The following E4F1 variants were observed in gnomAD, a reference collection of about 807,000 sequenced individuals.
The protein encoded by E4F1 is transcription factor E4F1.
Under a neutral mutation model 72.9 loss-of-function variants are expected in E4F1, and 30 were observed. The ratio of observed to expected loss-of-function variants is 0.41; its 90% CI spans 0.31 to 0.56. The LOEUF is 0.56. Ranked by LOEUF, E4F1 falls within the 20% of genes least tolerant of loss-of-function variation. The pLI is 0.25. For synonymous variants in E4F1, 542 were observed against 478.2 expected, an observed-to-expected ratio of 1.13 and a Z score of -1.74; for missense variants, 1,091 against 1,117.5, an observed-to-expected ratio of 0.98 and a Z score of 0.34.
chr16:2,226,046 T>C (rs2093430577), intron 1 of E4F1, among the ~76,000 whole-genome samples: 2 of 151,088 alleles, frequency 1.3e-5, no homozygotes, highest in African/African-American at 4.9e-5. Context: ...TGAGCTGAGA[T>C]CGCCCCACTG....
In E4F1 at chr16:2,234,578, C is replaced by G; in HGVS notation, c.1594-5C>G. ...CCAGGCTGGCACTGACAGGTGTCTC[C>G]ACAGAACGCACAGCAGGTGCACTTC... On this transcript the variant is annotated splice_polypyrimidine_tract_variant and splice_region_variant and intron_variant, in intron 10 of 13. Transcript: ENST00000301727. 1.9e-6 allele frequency: 3 copies of G among 1,581,326 alleles called. No homozygotes were observed. Among genetic ancestry groups the G allele is most frequent in the Non-Finnish European group, 2.6e-6 (3 of 1,163,746 alleles).
rs2093500642 is a variant in E4F1, at chr16:2,235,296, C to T, written c.2079C>T (p.Val693=). Reference sequence around the variant, plus strand: ...GCCACCAGATCATCGTGCAGAACGTCACCATGGACGAGGAGACGGCGCTGG... The same window carrying T: ...GCCACCAGATCATCGTGCAGAACGTTACCATGGACGAGGAGACGGCGCTGG... The part of the protein sequence containing the change: ...SAGHQIIVQN[V]TMDEETALGP... The change falls in exon 14 of 14, where the codon GTC becomes GTT. Residue 693 remains valine, a synonymous_variant. Coordinates refer to ENST00000301727, the MANE Select transcript of E4F1 (RefSeq NM_004424.5). 6.2e-7 allele frequency: 1 copy of T among 1,611,366 alleles called. No homozygotes were observed. Among genetic ancestry groups the T allele is most frequent in the African/African-American group, 1.3e-5 (1 of 75,068 alleles).
In E4F1 at chr16:2,233,234, G is replaced by A. The variant is rs758005235; in HGVS notation, c.1056+51G>A. 1.9e-6 allele frequency: 3 copies of A among 1,547,568 alleles called. No individual in the cohort carries two copies. In the East Asian group the frequency reaches 6.8e-5, roughly 35 times the overall value. On this transcript the variant is annotated intron_variant, in intron 7 of 13. Transcript: ENST00000301727. ...GGCTGCTCTGTCTTCTGCCTGCTCGGTGCCAGTCTTTGTTCTGGGCACTGG... is the reference window on the plus strand; with the variant it reads ...GGCTGCTCTGTCTTCTGCCTGCTCGATGCCAGTCTTTGTTCTGGGCACTGG...
intron 1 of E4F1, among the ~76,000 whole-genome samples, chr16:2,225,918 C>T (rs868089534): frequency 6.6e-6 from 1 of 151,626 alleles, no homozygotes; most frequent in East Asian, 1.9e-4. Context: ...ACAGGTGAAA[C>T]CCTGTCTTAC....
At chr16:2,229,521 A>C in intron 2 of E4F1, 49 bp from the exon 3 acceptor site, 1 of 1,574,420 alleles carries the variant, frequency 6.4e-7, no homozygotes, top group Non-Finnish European at 8.6e-7. Context: ...TCTGAGAACT[A>C]ACTCTGGAGC....
chr16:2,234,306 C>T lies in E4F1; in HGVS notation c.1511C>T (p.Ala504Val), dbSNP rs1394109601. The change falls in exon 10 of 14, where the codon GCC becomes GTC. Residue 504 changes from alanine to valine, a missense_variant. Transcript: ENST00000301727. Reference protein sequence around the residue: ...GDCGKLYKTIAHVRGHRRVHS... With the variant: ...GDCGKLYKTIVHVRGHRRVHS... ...TGCGGGAAGCTCTACAAGACCATTG[C>T]CCATGTGCGTGGCCACCGGCGCGTC... 6.2e-7 allele frequency: 1 copy of T among 1,613,014 alleles called. No homozygotes were observed. Among genetic ancestry groups the T allele is most frequent in the Non-Finnish European group, 8.5e-7 (1 of 1,179,990 alleles).
At chr16:2,228,619 G>A in intron 2 of E4F1, 96 bp downstream of exon 2, 4 of 1,446,902 alleles carry the variant, frequency 2.8e-6, no homozygotes, top group Non-Finnish European at 3.7e-6. Flanking sequence ...GCCGGTTCCG[G>A]GGGCCACGTG....
Position 2,229,620 on chromosome 16 carries a change from C to T in E4F1, c.360C>T (p.Ile120=), listed in dbSNP as rs752641682. 15 of 1,612,756 alleles carry T rather than the reference C, an allele frequency of 9.3e-6. No individual in the cohort carries two copies. Among genetic ancestry groups the T allele is most frequent in the Admixed American group, 3.3e-5 (2 of 60,012 alleles). ...GPEEPITVAH[I]VVEAASLAAD... ...AGGAGCCCATCACTGTGGCCCACAT[C>T]GTGGTGGAGGCGGCCTCTCTGGCAG... Residue 120 remains isoleucine, a synonymous_variant, in exon 3 of 14, where the codon ATC becomes ATT. Coordinates refer to ENST00000301727, the MANE Select transcript of E4F1 (RefSeq NM_004424.5).
In E4F1 at chr16:2,232,918, G is replaced by A; in HGVS notation, c.883+10G>A. On this transcript the variant is annotated intron_variant, in intron 6 of 13. Transcript: ENST00000301727. ...GAGGACGCACGTGCAGGTCAGCATG[G>A]TGCGGGCAGCTGCCTGGTCCTGGGG... 6.2e-7 allele frequency: 1 copy of A among 1,613,192 alleles called. No homozygotes were observed. Among genetic ancestry groups the A allele is most frequent in the Non-Finnish European group, 8.5e-7 (1 of 1,179,956 alleles).
At chr16:2,225,321 C>T (rs1230160137) in intron 1 of E4F1, among the ~76,000 whole-genome samples, 2 of 151,814 alleles carry the variant, frequency 1.3e-5, no homozygotes, top group East Asian at 3.9e-4. Flanking sequence ...TGGGTCTGTA[C>T]CCTCTGAGCT....
intron 1 of E4F1, among the ~76,000 whole-genome samples, chr16:2,228,140 TG>T (rs1433660358): frequency 6.6e-6 from 1 of 152,200 alleles, no homozygotes; most frequent in Non-Finnish European, 1.5e-5. Flanking sequence ...CTCTGCTGGG[TG>T]CTGACCTCCT....
Position 2,232,915 on chromosome 16 carries a change from A to G in E4F1, c.883+7A>G, listed in dbSNP as rs756210915. On this transcript the variant is annotated splice_region_variant and intron_variant, in intron 6 of 13. Transcript: ENST00000301727. The stretch of plus-strand genomic sequence containing the variant: ...AAAGAGGACGCACGTGCAGGTCAGC[A>G]TGGTGCGGGCAGCTGCCTGGTCCTG... The G allele has an allele frequency of 4.3e-6, 7 of 1,613,086 alleles. No individual in the cohort carries two copies. In the South Asian group the frequency reaches 4.4e-5, roughly 10 times the overall value.
At chr16:2,229,969 A>C in intron 3 of E4F1, 1 of 369,468 alleles carries the variant, frequency 2.7e-6, no homozygotes, top group South Asian at 2.8e-5. Flanking sequence ...TCCCTCCCAG[A>C]ATCTTCCCCA....
chr16:2,228,516 G>C lies in E4F1; in HGVS notation c.302G>C (p.Gly101Ala). The change falls in exon 2 of 14, where the codon GGC (glycine) becomes GCC (alanine). Residue 101 changes from glycine (G) to alanine (A), a missense_variant. This residue lies in a region of E4F1 where 362 missense variants were observed against 358.6 expected (regional missense o/e 1.01). Coordinates refer to ENST00000301727, the MANE Select transcript of E4F1 (RefSeq NM_004424.5). ...PATPATTALL[G>A]QEVVPAAPGP... ...ACCCCTGCCACCACAGCGTTGCTGG[G>C]CCAGGAGGTGAGCCCTCACCCACTC... 1 of 1,612,364 alleles carries C rather than the reference G, an allele frequency of 6.2e-7. No homozygotes were observed. Among genetic ancestry groups the C allele is most frequent in the African/African-American group, 1.3e-5 (1 of 75,060 alleles).
chr16:2,225,424 AAGGAGTTCC>A (rs1447311717), intron 1 of E4F1, among the ~76,000 whole-genome samples: 1 of 150,552 alleles, frequency 6.6e-6, no homozygotes, highest in East Asian at 2.0e-4. Context: ...ACTTGAGCCC[AAGGAGTTCC>A]AGACCAGCCT....
intron 1 of E4F1, among the ~76,000 whole-genome samples, chr16:2,228,080 A>T (rs1188045217): frequency 6.6e-6 from 1 of 152,152 alleles, no homozygotes; most frequent in Non-Finnish European, 1.5e-5. Flanking sequence ...GGTTTTGAGC[A>T]TGGCAGCCTT....
intron 1 of E4F1, among the ~76,000 whole-genome samples, chr16:2,226,857 C>G (rs1222325707): frequency 6.6e-6 from 1 of 152,240 alleles, no homozygotes; most frequent in Non-Finnish European, 1.5e-5. Context: ...CGGGCTCAAC[C>G]TTGGGAACCA....
In E4F1 at chr16:2,223,611, G is replaced by T; in HGVS notation, c.-3G>T. On this transcript the variant is annotated 5_prime_UTR_variant, in exon 1 of 14. Transcript: ENST00000301727. ...CCGCCATCTTCCTGCGGCGCGTTGC[G>T]ACATGGAGGGCGCGATGGCAGTGCG... The T allele has an allele frequency of 6.3e-7, 1 of 1,587,254 alleles. No individual in the cohort carries two copies. Among genetic ancestry groups the T allele is most frequent in the Non-Finnish European group, 8.5e-7 (1 of 1,172,692 alleles).
intron 1 of E4F1, among the ~76,000 whole-genome samples, chr16:2,225,815 G>C (rs865837705): frequency 3.4e-5 from 5 of 148,790 alleles, no homozygotes; most frequent in Non-Finnish European, 7.4e-5. Flanking sequence ...AAAAAAAAAG[G>C]CTGGGCGCAA....
Sources: gnomAD v4.1 joint callset for allele counts (sites outside exome capture counted in the v4.1 genomes callset) on GRCh38, gnomAD v4.1.1 for gene constraint, gnomAD v4.1.1 regional missense constraint, MANE v1.5 for transcripts, NCBI Gene and HGNC (gene_info 2026-07-23, HGNC 2026-07-21) for gene names.